ANK2: variants seen among roughly 807,000 people sequenced by gnomAD.
The protein encoded by ANK2 is ankyrin-2.
Under a neutral mutation model 360.5 loss-of-function variants are expected in ANK2, and 83 were observed. The ratio of observed to expected loss-of-function variants is 0.23; its 90% confidence interval spans 0.19 to 0.28. ANK2 has a LOEUF of 0.28. Among genes scored for constraint, ANK2 ranks in the 10% least tolerant of loss-of-function variants. The pLI is 1.00. For missense variants in ANK2, 4,201 were observed against 4,795.7 expected, an observed-to-expected ratio of 0.88 and a Z score of 3.66; for synonymous variants, 1,740 against 1,759.5, an observed-to-expected ratio of 0.99 and a Z score of 0.28.
chr4:113,298,072 T>A (rs2072877231), intron 22 of ANK2, among the ~76,000 whole-genome samples: 1 of 152,150 alleles, frequency 6.6e-6, no homozygotes, highest in Admixed American at 6.5e-5. Context: ...GCTGTGTATT[T>A]TCTTAAAAAG....
At chr4:112,849,779 A>G (rs550707112) in intron 1 of ANK2, among the ~76,000 whole-genome samples, 2 of 152,168 alleles carry the variant, frequency 1.3e-5, no homozygotes, top group Non-Finnish European at 1.5e-5. Context: ...TTAACTTTAC[A>G]TGTCAACTTG....
intron 14 of ANK2, among the ~76,000 whole-genome samples, chr4:113,272,766 A>C (rs2059001879): frequency 6.6e-6 from 1 of 152,114 alleles, no homozygotes; most frequent in African/African-American, 2.4e-5. Context: ...TGCTCCAACT[A>C]TCCCTCTTAC....
chr4:112,956,411 C>G (rs140888918), intron 2 of ANK2, among the ~76,000 whole-genome samples: 1 of 152,112 alleles, frequency 6.6e-6, no homozygotes. Flanking sequence ...TACAGCTTCT[C>G]TTTGTCACAC....
rs528466132 is a variant in ANK2, at chr4:112,996,181, T to C, written c.21+91667T>C. Among the ~76,000 whole-genome samples the C allele has an allele frequency of 3.3e-5, 5 of 152,278 alleles. No homozygotes were observed. The South Asian group carries it at 1.0e-3, about 32-fold the overall frequency. On this transcript the variant is annotated intron_variant, in intron 2 of 30. Transcript: ENST00000503271. ...CTAGGTGAAGAAGCCAGACATAAAATGAATCTGTGTTGTATGAAAAATTTT... is the reference window on the plus strand; with the variant it reads ...CTAGGTGAAGAAGCCAGACATAAAACGAATCTGTGTTGTATGAAAAATTTT...
chr4:112,726,146 T>C, the ANK2 span, among the ~76,000 whole-genome samples: 1 of 152,092 alleles, frequency 6.6e-6, no homozygotes. Flanking sequence ...ATGCCAGTGG[T>C]AAAAAGTGGA....
the ANK2 span, among the ~76,000 whole-genome samples, chr4:112,780,542 T>C: frequency 6.6e-6 from 1 of 152,196 alleles, no homozygotes; most frequent in Admixed American, 6.5e-5. Context: ...TAATGTATAA[T>C]ATGATTCATA....
Position 112,991,143 on chromosome 4 carries a change from C to T in ANK2, c.21+86629C>T, listed in dbSNP as rs139977334. Among the ~76,000 whole-genome samples, 204 of 149,052 alleles carry T rather than the reference C, an allele frequency of 1.4e-3. 1 individual carries two copies. The highest frequency in any genetic ancestry group is 4.7e-3 in the African/African-American group (189 of 40,318). Reference sequence around the variant, plus strand: ...ATGCATGCCTGTAGTCCCAGCTCCTCGGGAAGCTGAGGCAGAATTGCTTGA... The same window carrying T: ...ATGCATGCCTGTAGTCCCAGCTCCTTGGGAAGCTGAGGCAGAATTGCTTGA... On this transcript the variant is annotated intron_variant, in intron 2 of 30. Coordinates refer to the ANK2 transcript ENST00000503271.
At chr4:112,910,468 C>T (rs916562884) in intron 2 of ANK2, among the ~76,000 whole-genome samples, 2 of 152,164 alleles carry the variant, frequency 1.3e-5, no homozygotes, top group Non-Finnish European at 2.9e-5. Flanking sequence ...TATTCATTAT[C>T]GTAAAACTTA....
At chr4:112,815,274 C>T (rs1256751344), upstream of ANK2, among the ~76,000 whole-genome samples, 3 of 152,248 alleles carry the variant, frequency 2.0e-5, no homozygotes, top group East Asian at 5.8e-4. Context: ...AACAGTATAT[C>T]CCTAACAAGA....
At chr4:113,072,765 T>TTTTG (rs142762570) in intron 1 of ANK2, among the ~76,000 whole-genome samples, 18,915 of 118,926 alleles carry the variant, frequency 0.16, 1,567 homozygotes, top group Admixed American at 0.23. Flanking sequence ...TTTTTTTTTT[T>TTTTG]GCTGTCTTGT....
chr4:113,365,338 T>G (rs77724518), intron 41 of ANK2, among the ~76,000 whole-genome samples, 156 bp downstream of exon 41: 192 of 151,388 alleles, frequency 1.3e-3, no homozygotes, highest in African/African-American at 4.3e-3. Context: ...CTTGCTACCC[T>G]GAGGCTTTCC....
chr4:113,089,436 G>GA (rs1376095179), intron 1 of ANK2, among the ~76,000 whole-genome samples: 5 of 152,210 alleles, frequency 3.3e-5, no homozygotes, highest in Non-Finnish European at 2.9e-5. Context: ...GAGATGCTTT[G>GA]AAAACCTATA....
intron 2 of ANK2, among the ~76,000 whole-genome samples, chr4:113,186,114 C>T (rs1199476234): frequency 1.3e-5 from 2 of 152,200 alleles, no homozygotes; most frequent in East Asian, 3.9e-4. Flanking sequence ...TGGGAGACAC[C>T]TTACAGCAGG....
chr4:112,991,144 G>A (rs896325656), intron 2 of ANK2, among the ~76,000 whole-genome samples: 4 of 150,184 alleles, frequency 2.7e-5, no homozygotes, highest in Non-Finnish European at 4.4e-5. Flanking sequence ...CCAGCTCCTC[G>A]GGAAGCTGAG....
chr4:112,862,801 A>G (rs1579960200), intron 1 of ANK2, among the ~76,000 whole-genome samples: 1 of 152,114 alleles, frequency 6.6e-6, no homozygotes, highest in East Asian at 1.9e-4. Context: ...ATGCACCTGT[A>G]TTCTCGGCTA....
chr4:112,793,779 C>T, the ANK2 span, among the ~76,000 whole-genome samples: 1 of 148,982 alleles, frequency 6.7e-6, no homozygotes, highest in Admixed American at 6.8e-5. Context: ...AATCTGGACT[C>T]ACTGCAACCT....
At chr4:113,377,163 A>G (rs530063971) in intron 45 of ANK2, among the ~76,000 whole-genome samples, 6 of 152,206 alleles carry the variant, frequency 3.9e-5, no homozygotes, top group Admixed American at 6.5e-5. Flanking sequence ...TTTACCGTAC[A>G]TAAACCAGTA....
At chr4:113,130,649 C>T (rs1044535061) in intron 1 of ANK2, among the ~76,000 whole-genome samples, 1 of 152,156 alleles carries the variant, frequency 6.6e-6, no homozygotes, top group African/African-American at 2.4e-5. Context: ...AGCATCCAGC[C>T]AGGAACAGCG....
intron 2 of ANK2, among the ~76,000 whole-genome samples, chr4:112,999,016 C>T (rs943474571): frequency 6.6e-6 from 1 of 152,138 alleles, no homozygotes; most frequent in African/African-American, 2.4e-5. Flanking sequence ...ATAACCTTGT[C>T]TCCATACTTG....
Sources: allele counts gnomAD v4.1 joint callset (sites outside exome capture counted in the v4.1 genomes callset), GRCh38; gene constraint gnomAD v4.1.1; transcripts MANE v1.5; gene names NCBI Gene and HGNC (gene_info 2026-07-23, HGNC 2026-07-21).